NRCAM: variants seen among roughly 807,000 people sequenced by gnomAD.
NRCAM encodes neuronal cell adhesion molecule, also known as NgCAM-related cell adhesion molecule.
NRCAM carries 83 observed loss-of-function variants against 156.5 expected under a neutral mutation model. That is an observed-to-expected ratio of 0.53 (90% CI 0.44 to 0.64). The LOEUF is 0.64. Among genes scored for constraint, NRCAM ranks in the 30% least tolerant of loss-of-function variants. NRCAM has a pLI of 0.00. For missense variants in NRCAM, 1,417 were observed against 1,597.3 expected (o/e 0.89, Z 1.92); for synonymous variants, 538 against 563.9 (o/e 0.95, Z 0.65).
chr7:108,357,081 G>A (rs1004385091), intron 2 of NRCAM, among the ~76,000 whole-genome samples: 1 of 152,162 alleles, frequency 6.6e-6, no homozygotes, highest in African/African-American at 2.4e-5. Flanking sequence ...CCCAGATCTT[G>A]GACTTCCCAG....
At chr7:108,189,515 T>G in intron 20 of NRCAM, 130 bp downstream of exon 20, 1 of 616,568 alleles carries the variant, frequency 1.6e-6, no homozygotes, top group Non-Finnish European at 2.9e-6. Flanking sequence ...AAATAAATAT[T>G]TTTATTCTAT....
At chr7:108,368,349 A>G (rs1563471048) in intron 2 of NRCAM, among the ~76,000 whole-genome samples, 1 of 151,716 alleles carries the variant, frequency 6.6e-6, no homozygotes, top group Non-Finnish European at 1.5e-5. Context: ...ATGTGACTTG[A>G]CTTACCAAGT....
intron 3 of NRCAM, among the ~76,000 whole-genome samples, chr7:108,304,751 C>T (rs2098689952): frequency 6.6e-6 from 1 of 152,124 alleles, no homozygotes; most frequent in Non-Finnish European, 1.5e-5. Flanking sequence ...TGGGGAACCA[C>T]ATTTGACTCA....
rs551015530 is a variant in NRCAM, at chr7:108,307,242, C to T, written c.-107+5423G>A. On this transcript the variant is annotated intron_variant, in intron 3 of 32. Transcript: ENST00000379028. ...AGGCATATCCAACACACCTCAGGTGCAGTGGCGGCTTAAGGAGGCATCCCA... is the reference window on the plus strand; with the variant it reads ...AGGCATATCCAACACACCTCAGGTGTAGTGGCGGCTTAAGGAGGCATCCCA... Among the ~76,000 whole-genome samples, 12 of 152,326 alleles carry T rather than the reference C, an allele frequency of 7.9e-5. No homozygotes were observed. The South Asian group carries it at 2.5e-3, about 32-fold the overall frequency.
intron 14 of NRCAM, among the ~76,000 whole-genome samples, chr7:108,197,413 T>C (rs775760880): frequency 3.3e-5 from 5 of 152,174 alleles, no homozygotes; most frequent in Non-Finnish European, 5.9e-5. Context: ...TTTTAACAAA[T>C]GTGGTATTTT....
chr7:108,268,107 T>C (rs1343761019), intron 3 of NRCAM, among the ~76,000 whole-genome samples: 1 of 152,234 alleles, frequency 6.6e-6, no homozygotes, highest in African/African-American at 2.4e-5. Flanking sequence ...CTCTGCACTT[T>C]TAAAGTGTAA....
chr7:108,220,621 G>C (rs1298254339), intron 11 of NRCAM, among the ~76,000 whole-genome samples: 4 of 152,148 alleles, frequency 2.6e-5, no homozygotes, highest in Non-Finnish European at 2.9e-5. Context: ...TCAATAATTG[G>C]TGTTGGGATA....
intron 13 of NRCAM, among the ~76,000 whole-genome samples, chr7:108,199,763 T>C (rs528736651): frequency 6.2e-4 from 95 of 152,286 alleles, no homozygotes; most frequent in African/African-American, 2.2e-3. Flanking sequence ...CCCTTAACCT[T>C]AATCACATGT....
chr7:108,437,876 A>G (rs989389988), intron 1 of NRCAM, among the ~76,000 whole-genome samples: 2 of 152,028 alleles, frequency 1.3e-5, no homozygotes, highest in Non-Finnish European at 2.9e-5. Context: ...TTTTATTAGA[A>G]TTAAGTTAGT....
chr7:108,255,400 G>A (rs148777361), intron 3 of NRCAM, among the ~76,000 whole-genome samples: 7,363 of 152,280 alleles, frequency 0.048, 195 homozygotes, highest in Middle Eastern at 0.078. Context: ...GCTCCTGACC[G>A]CGAGTGATCT....
Position 108,148,860 on chromosome 7 carries a change from C to CAAAG in NRCAM, c.*1046_*1049dup, listed in dbSNP as rs1356736762. ...AATCATCATGTGCTTCAGTTGGCAA[C>CAAAG]AAAGATTTTCTTTTTATGCTTATGA... On this transcript the variant is annotated 3_prime_UTR_variant, in exon 33 of 33. Coordinates refer to ENST00000379028, the MANE Select transcript of NRCAM (RefSeq NM_001037132.4). The CAAAG allele has an allele frequency of 3.3e-5, 5 of 152,494 alleles. No homozygotes were observed. The highest frequency in any genetic ancestry group is 7.4e-5 in the Non-Finnish European group (5 of 68,014). 9.4% of individuals were successfully genotyped at this position (152,494 alleles called of 1,614,324 possible). A position where few individuals can be genotyped will look rare whatever the true frequency, so the allele number is the denominator to read the frequency against.
chr7:108,211,460 G>A (rs965163454), intron 11 of NRCAM, among the ~76,000 whole-genome samples: 1 of 152,174 alleles, frequency 6.6e-6, no homozygotes, highest in Non-Finnish European at 1.5e-5. Context: ...CTTTTCTTTT[G>A]CCGCTGGGAG....
chr7:108,346,809 A>T (rs972647405), intron 2 of NRCAM, among the ~76,000 whole-genome samples: 5 of 152,176 alleles, frequency 3.3e-5, no homozygotes, highest in African/African-American at 1.2e-4. Flanking sequence ...CTGTATTGAA[A>T]CTACATGAGT....
At chr7:108,383,310 T>C (rs1027507364) in intron 2 of NRCAM, among the ~76,000 whole-genome samples, 25 of 152,276 alleles carry the variant, frequency 1.6e-4, no homozygotes, top group African/African-American at 5.8e-4. Context: ...TACAAAACAG[T>C]AGCTAGAAAG....
chr7:108,444,130 T>C (rs986894782), intron 1 of NRCAM, among the ~76,000 whole-genome samples: 5 of 152,286 alleles, frequency 3.3e-5, no homozygotes, highest in African/African-American at 9.6e-5. Flanking sequence ...TAAAACAATA[T>C]AGTGTAAGAA....
Position 108,180,298 on chromosome 7 carries a change from G to C in NRCAM, c.2776C>G (p.Leu926Val). The change falls in exon 25 of 33, where the codon CTG (leucine) becomes GTG (valine). Residue 926 changes from leucine to valine, a missense_variant. Coordinates refer to ENST00000379028, the MANE Select transcript of NRCAM (RefSeq NM_001037132.4). ...PGLEPFSHYT[L>V]NVRVVNGKGE... ...TTCCCATTGACCACTCGGACATTCAGTGTGTAGTGGCTAAAGGGCTCTAGC... is the reference window on the plus strand; with the variant it reads ...TTCCCATTGACCACTCGGACATTCACTGTGTAGTGGCTAAAGGGCTCTAGC... 6.2e-7 allele frequency: 1 copy of C among 1,614,210 alleles called. No individual in the cohort carries two copies.
intron 19 of NRCAM, among the ~76,000 whole-genome samples, chr7:108,191,001 T>C (rs778062756): frequency 3.3e-5 from 5 of 152,354 alleles, no homozygotes; most frequent in Middle Eastern, 3.4e-3. Flanking sequence ...GAGGGACTTT[T>C]ATCAAACGAA....
intron 2 of NRCAM, among the ~76,000 whole-genome samples, chr7:108,384,217 A>C (rs2099724656): frequency 2.0e-5 from 3 of 152,246 alleles, no homozygotes; most frequent in South Asian, 2.1e-4. Flanking sequence ...TATGTAACAA[A>C]CCTTCACATG....
chr7:108,442,263 T>TC (rs1839429957), intron 1 of NRCAM, among the ~76,000 whole-genome samples: 1 of 152,020 alleles, frequency 6.6e-6, no homozygotes, highest in Non-Finnish European at 1.5e-5. Context: ...CTGCCACGAG[T>TC]CATCCATTCC....
Sources: allele counts gnomAD v4.1 joint callset (sites outside exome capture counted in the v4.1 genomes callset), GRCh38; gene constraint gnomAD v4.1.1; transcripts MANE v1.5; gene names NCBI Gene and HGNC (gene_info 2026-07-23, HGNC 2026-07-21).